The following SPON1 variants were observed in gnomAD, a reference collection of about 807,000 sequenced individuals.
SPON1 encodes the protein spondin-1.
In SPON1, 52 loss-of-function variants were observed where a neutral mutation model predicts 111.7. That is an observed-to-expected ratio of 0.47 (90% CI 0.37 to 0.59). The LOEUF is 0.59. Among genes scored for constraint, SPON1 ranks in the 20% least tolerant of loss-of-function variants. SPON1 has a pLI of 0.00. For missense variants in SPON1, 957 were observed against 1,068.5 expected (o/e 0.90, Z 1.46); for synonymous variants, 410 against 395.8 (o/e 1.04, Z -0.43).
At chr11:14,169,590 T>C (rs1292951549) in intron 6 of SPON1, among the ~76,000 whole-genome samples, 2 of 151,556 alleles carry the variant, frequency 1.3e-5, no homozygotes, top group Admixed American at 6.6e-5. Flanking sequence ...ATCTCCTGAA[T>C]GGTATTGCCT....
In SPON1 at chr11:14,055,603, C is replaced by T. The variant is rs369892733; in HGVS notation, c.479+13949C>T. ...AATTATAAACATGTACCAAAAACTA[C>T]TGGCTGTTGCTTGTTGCTTGCCACC... On this transcript the variant is annotated intron_variant, in intron 3 of 15. Transcript: ENST00000576479. Among the ~76,000 whole-genome samples the T allele has an allele frequency of 2.6e-5, 4 of 152,234 alleles. No homozygotes were observed. The East Asian group carries it at 5.8e-4, about 22-fold the overall frequency.
chr11:14,135,562 A>G lies in SPON1; in HGVS notation c.819A>G (p.Arg273=), dbSNP rs1554927993. 1.2e-6 allele frequency: 2 copies of G among 1,613,420 alleles called. No individual in the cohort carries two copies. The highest frequency in any genetic ancestry group is 1.7e-6 in the Non-Finnish European group (2 of 1,179,500). The change falls in exon 6 of 16, where the codon CGA becomes CGG. Residue 273 remains arginine (R), a synonymous_variant. Transcript: ENST00000576479. The surrounding 1 kb of genome is among the most constrained non-coding windows in gnomAD (Gnocchi z 4.4). The stretch of plus-strand genomic sequence containing the variant: ...CCGTGAAAATGGAGGAAGAAATTCG[A>G]CAACAGGTAAGACAAAAAAATCACA... The part of the protein sequence containing the change: ...GSPVKMEEEI[R]QQSDEVLTVI...
intron 6 of SPON1, among the ~76,000 whole-genome samples, chr11:14,152,780 A>C (rs1396575624): frequency 6.6e-6 from 1 of 152,230 alleles, no homozygotes; most frequent in Non-Finnish European, 1.5e-5. Flanking sequence ...GAATCAATGC[A>C]AATATAAAGG....
At chr11:14,225,564 G>A (rs544080127) in intron 6 of SPON1, among the ~76,000 whole-genome samples, 1 of 152,210 alleles carries the variant, frequency 6.6e-6, no homozygotes, top group South Asian at 2.1e-4. Flanking sequence ...GACTGAAGAC[G>A]TGAATAGTCT....
At chr11:14,012,586 A>G (rs1848414200) in intron 2 of SPON1, among the ~76,000 whole-genome samples, 1 of 152,040 alleles carries the variant, frequency 6.6e-6, no homozygotes, top group South Asian at 2.1e-4. Context: ...CATTTTGTCC[A>G]CCGATTTGGC....
chr11:14,213,409 T>A (rs1848595669), intron 6 of SPON1, among the ~76,000 whole-genome samples: 1 of 152,006 alleles, frequency 6.6e-6, no homozygotes, highest in Admixed American at 6.6e-5. Context: ...TTCTTAAATA[T>A]GTTTAACTCT....
chr11:14,002,142 C>G (rs1848324000), intron 2 of SPON1, among the ~76,000 whole-genome samples: 1 of 152,196 alleles, frequency 6.6e-6, no homozygotes, highest in Admixed American at 6.5e-5. Context: ...TAGGATTACA[C>G]AGGATGCCCT....
chr11:14,201,740 T>C (rs1250947081), intron 6 of SPON1, among the ~76,000 whole-genome samples: 2 of 152,168 alleles, frequency 1.3e-5, no homozygotes, highest in Admixed American at 6.5e-5. Context: ...ATTGAGTATA[T>C]ACACATAAGT....
At chr11:14,025,272 A>G (rs1848509172) in intron 2 of SPON1, among the ~76,000 whole-genome samples, 1 of 152,236 alleles carries the variant, frequency 6.6e-6, no homozygotes, top group South Asian at 2.1e-4. Context: ...GTTTGCCTTC[A>G]TGAATCGATT....
In SPON1 at chr11:14,265,910, A is replaced by G; in HGVS notation, c.*223A>G. ...ACCTCCAGCCAGCCTCTTCCTGCAG[A>G]GGAGTAGTGTCAGCCACCTTGTACT... On this transcript the variant is annotated 3_prime_UTR_variant, in exon 16 of 16. Coordinates refer to ENST00000576479, the MANE Select transcript of SPON1 (RefSeq NM_006108.4). 2.0e-6 allele frequency: 1 copy of G among 489,588 alleles called. No individual in the cohort carries two copies. The highest frequency in any genetic ancestry group is 3.8e-5 in the East Asian group (1 of 26,468). 30.3% of individuals were successfully genotyped at this position (489,588 alleles called of 1,614,324 possible). A position where few individuals can be genotyped will look rare whatever the true frequency, so the allele number is the denominator to read the frequency against.
At chr11:14,050,599 C>T in intron 3 of SPON1, among the ~76,000 whole-genome samples, 1 of 152,016 alleles carries the variant, frequency 6.6e-6, no homozygotes, top group East Asian at 1.9e-4. Flanking sequence ...TTCTAAAAGC[C>T]CAGCTGAGAC....
intron 1 of SPON1, among the ~76,000 whole-genome samples, chr11:13,967,876 G>A (rs1260585987): frequency 6.6e-6 from 1 of 152,178 alleles, no homozygotes; most frequent in Non-Finnish European, 1.5e-5. Flanking sequence ...CATAGCTAAT[G>A]CTTAATGGTT....
intron 5 of SPON1, among the ~76,000 whole-genome samples, chr11:14,116,965 T>C (rs1849271396): frequency 1.3e-5 from 2 of 152,206 alleles, no homozygotes; most frequent in East Asian, 1.9e-4. Context: ...ATATGTTTTA[T>C]GCTATTGTGA....
intron 1 of SPON1, among the ~76,000 whole-genome samples, chr11:13,973,944 G>A (rs999851837): frequency 6.6e-6 from 1 of 152,166 alleles, no homozygotes. Flanking sequence ...ATCTCTGCCT[G>A]GGGATGCTGA....
At chr11:14,181,555 A>G (rs1322150042) in intron 6 of SPON1, among the ~76,000 whole-genome samples, 4 of 152,244 alleles carry the variant, frequency 2.6e-5, no homozygotes, top group African/African-American at 9.6e-5. Flanking sequence ...AAAGTTTGGA[A>G]TAACATTGAT....
intron 6 of SPON1, among the ~76,000 whole-genome samples, chr11:14,180,551 CT>C (rs1848226674): frequency 1.3e-5 from 2 of 152,320 alleles, no homozygotes; most frequent in Non-Finnish European, 2.9e-5. Context: ...TAAGTCACCC[CT>C]GAGAGTCTAA....
chr11:14,147,853 T>C lies in SPON1; in HGVS notation c.825+12285T>C, dbSNP rs559294842. Among the ~76,000 whole-genome samples the C allele has an allele frequency of 8.0e-5, 12 of 150,370 alleles. No individual in the cohort carries two copies. The Admixed American group carries it at 8.0e-4, about 10-fold the overall frequency. ...AGTTTTTAAAAGACCAACAAACCAA[T>C]AGATCAAAACACATGGACAGGTCTC... is the stretch of plus-strand genomic sequence containing the variant. On this transcript the variant is annotated intron_variant, in intron 6 of 15. Coordinates refer to ENST00000576479, the MANE Select transcript of SPON1 (RefSeq NM_006108.4).
chr11:14,027,374 A>G (rs1554915487), intron 2 of SPON1, among the ~76,000 whole-genome samples: 1 of 152,212 alleles, frequency 6.6e-6, no homozygotes, highest in Non-Finnish European at 1.5e-5. Context: ...TGAGTTTACC[A>G]TGAGCTTCAA....
At chr11:14,174,704 A>G (rs1011439551) in intron 6 of SPON1, among the ~76,000 whole-genome samples, 1 of 152,180 alleles carries the variant, frequency 6.6e-6, no homozygotes, top group East Asian at 1.9e-4. Flanking sequence ...AATTCAGTCA[A>G]TTGAGAAGAA....
Sources: allele counts gnomAD v4.1 joint callset (sites outside exome capture counted in the v4.1 genomes callset), GRCh38; gene constraint gnomAD v4.1.1; non-coding constraint Gnocchi (gnomAD v3.1); transcripts MANE v1.5; gene names NCBI Gene and HGNC (gene_info 2026-07-23, HGNC 2026-07-21).